Variants in COL23A1 observed in about 807,000 individuals in gnomAD.
COL23A1 encodes the protein collagen type XXIII alpha 1 chain.
A neutral mutation model predicts 99.3 loss-of-function variants in COL23A1; 97 were observed. The ratio of observed to expected loss-of-function variants is 0.98; its 90% CI spans 0.83 to 1.16. COL23A1 has a LOEUF of 1.16. Among genes scored for constraint, COL23A1 ranks in the 50% most tolerant of loss-of-function variants. COL23A1 has a pLI of 0.00. For missense variants in COL23A1, 762 were observed against 757.4 expected, an observed-to-expected ratio of 1.01 and a Z score of -0.07; for synonymous variants, 320 against 308.2, an observed-to-expected ratio of 1.04 and a Z score of -0.40.
intron 2 of COL23A1, among the ~76,000 whole-genome samples, chr5:178,516,398 G>A (rs484163): frequency 0.012 from 1,803 of 152,300 alleles, 36 homozygotes; most frequent in African/African-American, 0.039. Context: ...CCCGATGACG[G>A]CTCTCTGCCA....
chr5:178,261,459 A>G (rs1436049275), intron 11 of COL23A1, among the ~76,000 whole-genome samples: 1 of 152,190 alleles, frequency 6.6e-6, no homozygotes, highest in Non-Finnish European at 1.5e-5. Flanking sequence ...TTTGAAACCA[A>G]AAGGCTAATG....
chr5:178,358,447 G>C (rs1761943858), intron 2 of COL23A1, among the ~76,000 whole-genome samples: 1 of 149,850 alleles, frequency 6.7e-6, no homozygotes, highest in South Asian at 2.1e-4. Flanking sequence ...GTGTATGTGT[G>C]TATATGTATG....
At chr5:178,442,866 A>T (rs1766951967) in intron 2 of COL23A1, 1 of 152,068 alleles carries the variant, frequency 6.6e-6, no homozygotes, top group Admixed American at 6.5e-5. Flanking sequence ...CCCCTCCCAT[A>T]TCCCTATTTC....
intron 3 of COL23A1, among the ~76,000 whole-genome samples, chr5:178,298,522 A>T (rs1052993758): frequency 6.6e-6 from 1 of 152,150 alleles, no homozygotes; most frequent in African/African-American, 2.4e-5. Flanking sequence ...CAGTGGCCTG[A>T]GGCTGCCAGG....
chr5:178,312,554 GCTCT>G (rs561286276), intron 2 of COL23A1, among the ~76,000 whole-genome samples: 175 of 152,154 alleles, frequency 1.2e-3, no homozygotes, highest in African/African-American at 3.6e-3. Context: ...CAAGGATTTG[GCTCT>G]CTAAGTGGCT....
chr5:178,354,128 T>C (rs1024418244), intron 2 of COL23A1, among the ~76,000 whole-genome samples: 2 of 151,976 alleles, frequency 1.3e-5, no homozygotes, highest in African/African-American at 4.8e-5. Flanking sequence ...TACTGTTTTA[T>C]ACCATTTGAA....
intron 2 of COL23A1, among the ~76,000 whole-genome samples, chr5:178,549,214 G>C (rs564152253): frequency 1.3e-5 from 2 of 151,744 alleles, no homozygotes; most frequent in Admixed American, 6.6e-5. Context: ...GGCTGGTCTC[G>C]AACTCCTGAC....
chr5:178,380,713 G>A lies in COL23A1; in HGVS notation c.362-73794C>T, dbSNP rs548892867. Among the ~76,000 whole-genome samples the A allele has an allele frequency of 5.9e-5, 9 of 152,336 alleles. No individual in the cohort carries two copies. In the South Asian group the frequency reaches 1.9e-3, roughly 32 times the overall value. On this transcript the variant is annotated intron_variant, in intron 2 of 28. Transcript: ENST00000390654. ...GGCTAAGAGGACGGCCGGGACAGAG[G>A]CAGGGAGGATCACGTCCGGGGCCAA...
intron 12 of COL23A1, among the ~76,000 whole-genome samples, chr5:178,259,330 A>T (rs1331998840): frequency 6.6e-6 from 1 of 152,120 alleles, no homozygotes; most frequent in East Asian, 1.9e-4. Context: ...GCTTGAGCTC[A>T]CATCAGTGGC....
In COL23A1 at chr5:178,308,388, C is replaced by T. The variant is rs193012707; in HGVS notation, c.362-1469G>A. 7.2e-5 allele frequency among the ~76,000 whole-genome samples: 11 copies of T among 152,268 alleles called. No homozygotes were observed. The highest frequency in any genetic ancestry group is 5.2e-4 in the Admixed American group (8 of 15,288). ...TGAAAAACATGTTACTTCTTGCTCCCCTGAGTTTTAAGGGCAAAAGTGCAT... is the reference window on the plus strand; with the variant it reads ...TGAAAAACATGTTACTTCTTGCTCCTCTGAGTTTTAAGGGCAAAAGTGCAT... On this transcript the variant is annotated intron_variant, in intron 2 of 28. Transcript: ENST00000390654. The surrounding 1 kb of genome is among the most constrained non-coding windows in gnomAD (Gnocchi z 5.1).
At chr5:178,516,797 G>A (rs561656808) in intron 2 of COL23A1, among the ~76,000 whole-genome samples, 1 of 152,266 alleles carries the variant, frequency 6.6e-6, no homozygotes, top group Non-Finnish European at 1.5e-5. Context: ...GAGGGACCGT[G>A]CCCACCTTGT....
intron 1 of COL23A1, among the ~76,000 whole-genome samples, chr5:178,576,040 G>A (rs555311384): frequency 1.3e-4 from 20 of 152,286 alleles, no homozygotes; most frequent in Middle Eastern, 3.4e-3. Flanking sequence ...TCACGAAGCC[G>A]CAGTGCTTTT....
At chr5:178,272,154 C>T (rs544913095) in intron 5 of COL23A1, among the ~76,000 whole-genome samples, 3 of 152,238 alleles carry the variant, frequency 2.0e-5, no homozygotes, top group Non-Finnish European at 2.9e-5. Context: ...GCCTTCCCTG[C>T]GTTTCCAGCT....
intron 2 of COL23A1, among the ~76,000 whole-genome samples, chr5:178,533,500 G>A (rs145833253): frequency 9.9e-5 from 15 of 152,122 alleles, no homozygotes; most frequent in African/African-American, 2.9e-4. Context: ...AGCATGTGTC[G>A]GAGTTTCTTT....
chr5:178,515,588 C>A (rs1331756714), intron 2 of COL23A1, among the ~76,000 whole-genome samples: 1 of 152,180 alleles, frequency 6.6e-6, no homozygotes, highest in Non-Finnish European at 1.5e-5. Context: ...CTTCTTCACC[C>A]AGGAAAACAG....
intron 5 of COL23A1, among the ~76,000 whole-genome samples, chr5:178,276,642 GTTC>G (rs1408403332): frequency 1.3e-5 from 2 of 152,218 alleles, no homozygotes. Flanking sequence ...GCACCATACG[GTTC>G]TGATTTCTCA....
At chr5:178,243,488 C>CA (rs1199927228) in intron 25 of COL23A1, among the ~76,000 whole-genome samples, 2,084 of 86,410 alleles carry the variant, frequency 0.024, 43 homozygotes, top group African/African-American at 0.078. Context: ...ACTCCATCTC[C>CA]AAAAAAAAAA....
At chr5:178,454,112 G>T (rs572795017) in intron 2 of COL23A1, among the ~76,000 whole-genome samples, 6 of 152,096 alleles carry the variant, frequency 3.9e-5, no homozygotes, top group African/African-American at 1.4e-4. Context: ...ACAACATATG[G>T]ACAGTTAAGC....
At position 178,589,721 on chromosome 5, in the gene COL23A1, G is replaced by C. The variant is rs1764169163; in HGVS notation, c.294+183C>G. On this transcript the variant is annotated intron_variant, in intron 1 of 28. Transcript: ENST00000390654. The surrounding 1 kb of genome is among the most constrained non-coding windows in gnomAD (Gnocchi z 5.4). ...GGAGCGGAGACCGCAAAACCCCTTG[G>C]GGCCGGCACCCCCTGCCTCCGCCTT... 1.3e-5 allele frequency among the ~76,000 whole-genome samples: 2 copies of C among 152,076 alleles called. No homozygotes were observed. Among genetic ancestry groups the C allele is most frequent in the Admixed American group, 1.3e-4 (2 of 15,274 alleles).
Sources: allele counts gnomAD v4.1 joint callset (sites outside exome capture counted in the v4.1 genomes callset), GRCh38; gene constraint gnomAD v4.1.1; non-coding constraint Gnocchi (gnomAD v3.1); transcripts MANE v1.5; gene names NCBI Gene and HGNC (gene_info 2026-07-23, HGNC 2026-07-21).